SLC9D1: variants seen among roughly 807,000 people sequenced by gnomAD.
SLC9D1 encodes the protein solute carrier family 9 member D1, also known as putative LAG1-interacting protein.
At chr13:113,542,705 C>T in the SLC9D1 span, among the ~76,000 whole-genome samples, 73 of 152,264 alleles carry the variant, frequency 4.8e-4, 1 homozygote, top group South Asian at 5.8e-3. Flanking sequence ...GATCTGGTGT[C>T]GGGCCACATC....
At chr13:113,522,442 G>A in the SLC9D1 span, among the ~76,000 whole-genome samples, 2 of 152,146 alleles carry the variant, frequency 1.3e-5, no homozygotes, top group East Asian at 3.9e-4. Flanking sequence ...CCAGCTTCAC[G>A]CCATTCTCCT....
the SLC9D1 span, among the ~76,000 whole-genome samples, chr13:113,503,266 A>G: frequency 1.3e-5 from 2 of 152,148 alleles, no homozygotes; most frequent in African/African-American, 2.4e-5. Context: ...AAATAATGTA[A>G]TTATAAATAG....
At chr13:113,521,433 GTGTT>G in the SLC9D1 span, among the ~76,000 whole-genome samples, 1 of 150,966 alleles carries the variant, frequency 6.6e-6, no homozygotes, top group South Asian at 2.1e-4. Context: ...TGTGGTGTGC[GTGTT>G]TGTTCTGTGG....
chr13:113,544,219 G>A, the SLC9D1 span, among the ~76,000 whole-genome samples: 24,989 of 152,216 alleles, frequency 0.16, 2,313 homozygotes, highest in Admixed American at 0.27. Flanking sequence ...TCAGGTTCCC[G>A]CCCCGAGGCT....
the SLC9D1 span, among the ~76,000 whole-genome samples, chr13:113,506,213 G>A: frequency 2.2e-5 from 2 of 90,320 alleles, no homozygotes; most frequent in African/African-American, 1.1e-4. Context: ...GTAAGGGGGC[G>A]TGGGCCACGT....
the SLC9D1 span, chr13:113,501,688 C>T: frequency 6.6e-4 from 911 of 1,373,028 alleles, 12 homozygotes; most frequent in Admixed American, 0.014. Flanking sequence ...GTGCCTCAGC[C>T]AGCCAGCCCC....
the SLC9D1 span, among the ~76,000 whole-genome samples, chr13:113,519,659 C>T: frequency 7.3e-5 from 11 of 151,718 alleles, no homozygotes; most frequent in Non-Finnish European, 8.8e-5. Context: ...GGCTTGGGTG[C>T]GTCTGCACCA....
At chr13:113,507,422 C>T in the SLC9D1 span, among the ~76,000 whole-genome samples, 1 of 152,194 alleles carries the variant, frequency 6.6e-6, no homozygotes, top group Non-Finnish European at 1.5e-5. Flanking sequence ...AGCCTCCTGC[C>T]ACGTGGGTTA....
At chr13:113,539,254 G>C in the SLC9D1 span, 1 of 1,121,584 alleles carries the variant, frequency 8.9e-7, no homozygotes, top group Non-Finnish European at 1.3e-6. This position sits in a 1 kb window ranked among gnomAD's most constrained non-coding sequence, Gnocchi z 4.8. Context: ...CAGCTTCTGT[G>C]TTTTGTCGTG....
At chr13:113,518,892 A>G in the SLC9D1 span, among the ~76,000 whole-genome samples, 5 of 152,248 alleles carry the variant, frequency 3.3e-5, no homozygotes, top group African/African-American at 9.6e-5. Context: ...ATTTTGTACA[A>G]TAAGTCAATC....
the SLC9D1 span, chr13:113,495,664 TG>T: frequency 1.9e-6 from 3 of 1,605,688 alleles, no homozygotes; most frequent in Non-Finnish European, 2.6e-6. Flanking sequence ...CACGAGGAGG[TG>T]GCGCAGCGTG....
the SLC9D1 span, among the ~76,000 whole-genome samples, chr13:113,497,604 A>ACAGCTGTGTGAGACCTG: frequency 1.0e-4 from 10 of 96,438 alleles, no homozygotes; most frequent in Non-Finnish European, 9.9e-5. Context: ...TGTGAGACCT[A>ACAGCTGTGTGAGACCTG]CAGCTGTGTG....
At chr13:113,543,059 C>A in the SLC9D1 span, among the ~76,000 whole-genome samples, 2 of 131,998 alleles carry the variant, frequency 1.5e-5, no homozygotes, top group Non-Finnish European at 3.3e-5. Context: ...CCCACCTCCT[C>A]CCCCTGCCTC....
At chr13:113,508,151 A>AC in the SLC9D1 span, among the ~76,000 whole-genome samples, 1 of 152,258 alleles carries the variant, frequency 6.6e-6, no homozygotes, top group African/African-American at 2.4e-5. Context: ...ATGTGGGGTA[A>AC]CACAAGATAA....
At chr13:113,492,978 A>C in the SLC9D1 span, among the ~76,000 whole-genome samples, 1 of 152,258 alleles carries the variant, frequency 6.6e-6, no homozygotes, top group African/African-American at 2.4e-5. Context: ...AAAGATGTTT[A>C]CTAATTTGCT....
the SLC9D1 span, among the ~76,000 whole-genome samples, chr13:113,500,396 AATTAGGAGTTACTGTAATGGG>A: frequency 6.6e-6 from 1 of 152,222 alleles, no homozygotes. Context: ...AAGACTTTGA[AATTAGGAGTTACTGTAATGGG>A]ATTAAAGCTT....
the SLC9D1 span, chr13:113,529,152 T>TC: frequency 3.3e-5 from 5 of 152,350 alleles, no homozygotes; most frequent in Admixed American, 6.5e-5. Flanking sequence ...AGCTTTTTTT[T>TC]CCCTTTTTTC....
chr13:113,497,512 G>A, the SLC9D1 span, among the ~76,000 whole-genome samples: 1 of 151,176 alleles, frequency 6.6e-6, no homozygotes, highest in Non-Finnish European at 1.5e-5. Context: ...AGCTGTGTGA[G>A]ACCTGCAGCT....
the SLC9D1 span, among the ~76,000 whole-genome samples, chr13:113,541,453 G>A: frequency 5.6e-5 from 8 of 142,404 alleles, no homozygotes; most frequent in Non-Finnish European, 8.9e-5. Context: ...TGGATGATAC[G>A]CACACGATCG....
Sources: gnomAD v4.1 joint callset for allele counts (sites outside exome capture counted in the v4.1 genomes callset) on GRCh38, gnomAD v4.1.1 for gene constraint, Gnocchi (gnomAD v3.1) non-coding constraint, MANE v1.5 for transcripts, NCBI Gene and HGNC (gene_info 2026-07-23, HGNC 2026-07-21) for gene names.